Variants in GRAMD2B observed in about 807,000 individuals in gnomAD.
GRAMD2B encodes GRAM domain-containing protein 2B.
A neutral mutation model predicts 59.2 loss-of-function variants in GRAMD2B; 41 were observed. That is an observed-to-expected ratio of 0.69 (90% CI 0.54 to 0.90). The LOEUF is 0.90. Among genes scored for constraint, GRAMD2B ranks in the 40% least tolerant of loss-of-function variants. The pLI is 0.00. For synonymous variants in GRAMD2B, 161 were observed against 182.7 expected (o/e 0.88, Z 0.96); for missense variants, 424 against 500.5 (o/e 0.85, Z 1.46).
At chr5:126,435,802 G>A (rs1748107955) in intron 1 of GRAMD2B, among the ~76,000 whole-genome samples, 1 of 152,188 alleles carries the variant, frequency 6.6e-6, no homozygotes, top group Admixed American at 6.5e-5. Flanking sequence ...TTCTTATGTG[G>A]TTTGGCCTCT....
intron 1 of GRAMD2B, among the ~76,000 whole-genome samples, chr5:126,392,676 T>C (rs922618772): frequency 2.6e-5 from 4 of 152,182 alleles, no homozygotes; most frequent in Admixed American, 1.3e-4. Context: ...AAAAATTCTT[T>C]TTCTTTTTTA....
rs1164498820 is a variant in GRAMD2B at position 126,493,665 on chromosome 5, T to C, written c.*709T>C. ...GCCCTGGTCAAGAATCTGTGAGGCA[T>C]GTGACTGAAGTACTAAATTAAACTT... is the stretch of plus-strand genomic sequence containing the variant. On this transcript the variant is annotated 3_prime_UTR_variant, in exon 14 of 14. Coordinates refer to ENST00000285689, the MANE Select transcript of GRAMD2B (RefSeq NM_023927.4). 6.6e-6 allele frequency: 1 copy of C among 152,254 alleles called. No homozygotes were observed. The highest frequency in any genetic ancestry group is 1.5e-5 in the Non-Finnish European group (1 of 68,042). The allele number at this position is 152,254 out of a possible 1,614,324, so 9.4% of individuals were successfully genotyped here.
Position 126,444,765 on chromosome 5 carries a change from G to T in GRAMD2B, c.84-20661G>T, listed in dbSNP as rs113543195. On this transcript the variant is annotated intron_variant, in intron 1 of 13. Coordinates refer to ENST00000285689, the MANE Select transcript of GRAMD2B (RefSeq NM_023927.4). ...AGGTTTGTTACATAGGTAGACGGGT[G>T]CCATGGTGGTTTGCTGCACAGATCA... is the stretch of plus-strand genomic sequence containing the variant. Among the ~76,000 whole-genome samples, 350 of 152,272 alleles carry T rather than the reference G, an allele frequency of 2.3e-3. 3 individuals carry two copies. The highest frequency in any genetic ancestry group is 8.1e-3 in the African/African-American group (335 of 41,556).
intron 1 of GRAMD2B, 58 bp downstream of exon 1, chr5:126,423,747 C>T: frequency 6.6e-7 from 1 of 1,519,548 alleles, no homozygotes; most frequent in Non-Finnish European, 8.8e-7. Context: ...GCCTAAACTT[C>T]TCTGCCCCGG....
In GRAMD2B at chr5:126,469,723, G is replaced by A. The variant is rs772812949; in HGVS notation, c.250G>A (p.Asp84Asn). The change falls in exon 3 of 14, where the codon GAC (aspartate) becomes AAC (asparagine). Residue 84 changes from aspartate (D) to asparagine (N), a missense_variant. Transcript: ENST00000285689. ...TGCCTCTTTAGCAAGTGATAAGAAC[G>A]ACTGTAAAACAGAAAGCAAAAATGA... ...DGASLASDKN[D>N]CKTESKNDPK... 2.5e-5 allele frequency: 41 copies of A among 1,613,758 alleles called. No homozygotes were observed. Among genetic ancestry groups the A allele is most frequent in the Non-Finnish European group, 2.7e-5 (32 of 1,179,884 alleles).
At chr5:126,372,252 T>C (rs766462501) in intron 1 of GRAMD2B, among the ~76,000 whole-genome samples, 5 of 152,196 alleles carry the variant, frequency 3.3e-5, no homozygotes, top group Non-Finnish European at 7.4e-5. Flanking sequence ...AGAAATTTAG[T>C]ATAAGTGGAA....
chr5:126,400,817 A>C (rs896163589), intron 1 of GRAMD2B, among the ~76,000 whole-genome samples: 1 of 152,132 alleles, frequency 6.6e-6, no homozygotes. Context: ...ATCTTCTGAT[A>C]GTCTTATATA....
chr5:126,480,438 T>C lies in GRAMD2B; in HGVS notation c.583-18T>C. 6.4e-7 allele frequency: 1 copy of C among 1,557,466 alleles called. No homozygotes were observed. On this transcript the variant is annotated intron_variant, in intron 6 of 13. Transcript: ENST00000285689. ...ATCCGGCAATATCTATTCATAATTA[T>C]CCTGTTTTGTTTTTCAGTACATATT...
chr5:126,457,452 A>C (rs1031943291), intron 1 of GRAMD2B, among the ~76,000 whole-genome samples: 3 of 151,868 alleles, frequency 2.0e-5, no homozygotes, highest in Admixed American at 6.5e-5. Flanking sequence ...TGGCCAACAT[A>C]GTGAAACCCT....
chr5:126,457,521 C>G (rs1381242409), intron 1 of GRAMD2B, among the ~76,000 whole-genome samples: 2 of 151,914 alleles, frequency 1.3e-5, no homozygotes, highest in Non-Finnish European at 2.9e-5. Context: ...ATCCCAGCTA[C>G]TTAGGAGACT....
chr5:126,432,167 G>T (rs891623957), intron 1 of GRAMD2B, among the ~76,000 whole-genome samples: 3 of 152,154 alleles, frequency 2.0e-5, no homozygotes, highest in African/African-American at 7.2e-5. Flanking sequence ...GGCTTCAAGA[G>T]ATTTGCCCAC....
upstream of GRAMD2B, among the ~76,000 whole-genome samples, chr5:126,419,559 G>A (rs1759542181): frequency 6.6e-6 from 1 of 152,054 alleles, no homozygotes; most frequent in African/African-American, 2.4e-5. Flanking sequence ...CTCCACTCAA[G>A]TCTCCAAACA....
At chr5:126,366,150 GA>G (rs1475889872) in intron 1 of GRAMD2B, among the ~76,000 whole-genome samples, 5 of 152,194 alleles carry the variant, frequency 3.3e-5, no homozygotes, top group African/African-American at 1.2e-4. Context: ...CTTTGGGAGA[GA>G]AATCAACCCC....
At chr5:126,397,816 G>A (rs756332933) in intron 1 of GRAMD2B, among the ~76,000 whole-genome samples, 3 of 152,002 alleles carry the variant, frequency 2.0e-5, no homozygotes, top group African/African-American at 7.2e-5. Flanking sequence ...AGTAATGTTG[G>A]CCTGTAGGAT....
chr5:126,365,161 C>T (rs1754382716), intron 1 of GRAMD2B, among the ~76,000 whole-genome samples: 1 of 151,942 alleles, frequency 6.6e-6, no homozygotes, highest in Non-Finnish European at 1.5e-5. Context: ...AATGAGTATA[C>T]ATTTTGTTTT....
intron 1 of GRAMD2B, among the ~76,000 whole-genome samples, chr5:126,361,993 AGCC>A (rs1232929463): frequency 6.6e-6 from 1 of 152,228 alleles, no homozygotes; most frequent in Non-Finnish European, 1.5e-5. Flanking sequence ...AAGCATGTTA[AGCC>A]TACCACCATC....
chr5:126,364,784 A>G (rs1242608392), intron 1 of GRAMD2B, among the ~76,000 whole-genome samples: 1 of 152,202 alleles, frequency 6.6e-6, no homozygotes, highest in African/African-American at 2.4e-5. Flanking sequence ...TAGTTTCTAG[A>G]CTAATCTCAA....
chr5:126,443,888 A>G (rs1287426560), intron 1 of GRAMD2B, among the ~76,000 whole-genome samples: 1 of 152,028 alleles, frequency 6.6e-6, no homozygotes, highest in East Asian at 1.9e-4. Flanking sequence ...TGTCTCTACT[A>G]AAAAATACCA....
chr5:126,455,301 C>T (rs1398762414), intron 1 of GRAMD2B, among the ~76,000 whole-genome samples: 1 of 152,096 alleles, frequency 6.6e-6, no homozygotes, highest in Non-Finnish European at 1.5e-5. Flanking sequence ...TCATTTTATT[C>T]CTTCTGTTTA....
Sources: gnomAD v4.1 joint callset for allele counts (sites outside exome capture counted in the v4.1 genomes callset) on GRCh38, gnomAD v4.1.1 for gene constraint, MANE v1.5 for transcripts, NCBI Gene and HGNC (gene_info 2026-07-23, HGNC 2026-07-21) for gene names.